The following ERN1 variants were observed in gnomAD, a reference collection of about 807,000 sequenced individuals.
The protein encoded by ERN1 is serine/threonine-protein kinase/endoribonuclease IRE1.
ERN1 carries 39 observed loss-of-function variants against 113.1 expected under a neutral mutation model. The observed-to-expected ratio is 0.34, with a 90% CI of 0.27 to 0.45. The LOEUF is 0.45. Ranked by LOEUF, ERN1 falls within the 20% of genes least tolerant of loss-of-function variation. The probability of loss-of-function intolerance (pLI) is 1.00; values close to 1 mark genes in which losing one functional copy is unlikely to be tolerated. For missense variants in ERN1, 976 were observed against 1,274.8 expected (o/e 0.77, Z 3.57); for synonymous variants, 507 against 515.9 (o/e 0.98, Z 0.23).
chr17:64,109,180 T>C (rs760959799), intron 1 of ERN1, among the ~76,000 whole-genome samples: 13 of 151,650 alleles, frequency 8.6e-5, no homozygotes, highest in African/African-American at 3.1e-4. Flanking sequence ...GGGAAAAAAA[T>C]TTAATTACAT....
intron 2 of ERN1, among the ~76,000 whole-genome samples, chr17:64,092,995 C>T (rs1490668478): frequency 1.3e-5 from 2 of 152,090 alleles, no homozygotes; most frequent in Non-Finnish European, 2.9e-5. Context: ...ATGTCACAAC[C>T]CAAATGAGTT....
intron 2 of ERN1, among the ~76,000 whole-genome samples, chr17:64,087,189 A>G (rs909241226): frequency 1.3e-5 from 2 of 152,068 alleles, no homozygotes; most frequent in Non-Finnish European, 2.9e-5. Context: ...GGGAAACTAC[A>G]CTGCTCCGAA....
In ERN1 at chr17:64,075,408, C is replaced by T. The variant is rs984825811; in HGVS notation, c.283-161G>A. On this transcript the variant is annotated intron_variant, in intron 4 of 21. Transcript: ENST00000433197. ...ACTGAATACAAAGGAGAAGGGGGCA[C>T]CCTATGCTTCCACATCTACTGTGTT... Among the ~76,000 whole-genome samples the T allele has an allele frequency of 3.3e-5, 5 of 152,100 alleles. No individual in the cohort carries two copies. The East Asian group carries it at 7.7e-4, about 23-fold the overall frequency.
At chr17:64,069,935 T>TCTAAA (rs1350593220) in intron 6 of ERN1, among the ~76,000 whole-genome samples, 3 of 152,026 alleles carry the variant, frequency 2.0e-5, no homozygotes, top group African/African-American at 7.2e-5. Flanking sequence ...CAGTAGAACA[T>TCTAAA]CTCTAAAGGT....
chr17:64,045,252 G>A (rs917068942), intron 20 of ERN1, 107 bp downstream of exon 20: 17 of 1,295,336 alleles, frequency 1.3e-5, no homozygotes, highest in Non-Finnish European at 1.7e-5. Flanking sequence ...CCTGACAGGT[G>A]GGATGTGGGG....
At chr17:64,095,654 T>C (rs924049144) in intron 2 of ERN1, among the ~76,000 whole-genome samples, 3 of 152,094 alleles carry the variant, frequency 2.0e-5, no homozygotes, top group African/African-American at 4.8e-5. Flanking sequence ...CGAGCACCTG[T>C]TGAGTCACTC....
At chr17:64,089,825 G>A (rs977990234) in intron 2 of ERN1, among the ~76,000 whole-genome samples, 20 of 152,056 alleles carry the variant, frequency 1.3e-4, no homozygotes, top group African/African-American at 4.8e-4. Context: ...CTGGCTGACA[G>A]GTAACAGTGA....
At chr17:64,073,333 A>T (rs1913484477) in intron 5 of ERN1, among the ~76,000 whole-genome samples, 2 of 52,274 alleles carry the variant, frequency 3.8e-5, no homozygotes, top group African/African-American at 7.3e-5. Context: ...CACACCCAGC[A>T]AATTTTTTTT....
In ERN1 at chr17:64,043,859, C is replaced by T; in HGVS notation, c.*129G>A. 1.5e-6 allele frequency: 1 copy of T among 657,816 alleles called. No individual in the cohort carries two copies. The highest frequency in any genetic ancestry group is 2.6e-6 in the Non-Finnish European group (1 of 378,658). 40.7% of individuals were successfully genotyped at this position (657,816 alleles called of 1,614,324 possible). On this transcript the variant is annotated 3_prime_UTR_variant, in exon 22 of 22. Coordinates refer to ENST00000433197, the MANE Select transcript of ERN1 (RefSeq NM_001433.5). ...GCACTGTCCTCTGTGGGCTGCAGAG[C>T]AGGCAGCTCAAGGCACTTGGTTTGG...
chr17:64,063,937 GGA>G lies in ERN1; in HGVS notation c.1087+47_1087+48del. On this transcript the variant is annotated intron_variant, in intron 10 of 21. Transcript: ENST00000433197. The surrounding 1 kb of genome is among the most constrained non-coding windows in gnomAD (Gnocchi z 5.1). ...TACCAGGGCCGGCGGTCGCCCACCAGGAGGCAGCACGCTGTCACCTCAGGCTA... is the reference window on the plus strand; with the variant it reads ...TACCAGGGCCGGCGGTCGCCCACCAGGGCAGCACGCTGTCACCTCAGGCTA... The G allele has an allele frequency of 6.3e-7, 1 of 1,587,208 alleles. No homozygotes were observed. The highest frequency in any genetic ancestry group is 8.6e-7 in the Non-Finnish European group (1 of 1,161,200).
chr17:64,072,125 T>C (rs1375271434), intron 5 of ERN1, 22 bp from the exon 6 acceptor site: 2 of 1,612,120 alleles, frequency 1.2e-6, no homozygotes, highest in African/African-American at 2.7e-5. Context: ...CAAAAACACA[T>C]CGTCGTTTAC....
In ERN1 at chr17:64,119,376, G is replaced by GTTGTTT. The variant is rs777806993; in HGVS notation, c.54+10599_54+10600insAAACAA. Reference sequence around the variant, plus strand: ...TAATATTAGGTTCCTTTTTTTCTAGGTTTTTTTTTTTTTTTTTTTTTTTTT... The same window carrying GTTGTTT: ...TAATATTAGGTTCCTTTTTTTCTAGGTTGTTTTTTTTTTTTTTTTTTTTTTTTTTTT... On this transcript the variant is annotated intron_variant, in intron 1 of 21. Transcript: ENST00000433197. Among the ~76,000 whole-genome samples, 28 of 77,906 alleles carry GTTGTTT rather than the reference G, an allele frequency of 3.6e-4. 2 individuals are homozygous for GTTGTTT. Among genetic ancestry groups the GTTGTTT allele is most frequent in the African/African-American group, 7.8e-4 (14 of 17,952 alleles). The allele number at this position is 77,906 out of a possible 152,430, so 51.1% of individuals were successfully genotyped here.
At chr17:64,096,318 G>A (rs117814891) in intron 2 of ERN1, among the ~76,000 whole-genome samples, 54 of 152,278 alleles carry the variant, frequency 3.5e-4, no homozygotes, top group Non-Finnish European at 5.4e-4. Flanking sequence ...TGTGTACTAC[G>A]CATGCAAGTG....
chr17:64,053,941 T>C (rs1912770188), intron 15 of ERN1: 3 of 279,834 alleles, frequency 1.1e-5, no homozygotes, highest in South Asian at 1.0e-4. Context: ...TACAATTCAC[T>C]GTAACTTTTT....
intron 1 of ERN1, among the ~76,000 whole-genome samples, chr17:64,124,858 A>G (rs757022099): frequency 2.6e-5 from 4 of 152,250 alleles, no homozygotes; most frequent in Non-Finnish European, 4.4e-5. Flanking sequence ...ATGCTAAGTT[A>G]AAGAGGCCAG....
chr17:64,094,686 G>A (rs567263712), intron 2 of ERN1, among the ~76,000 whole-genome samples: 1 of 148,226 alleles, frequency 6.7e-6, no homozygotes, highest in African/African-American at 2.5e-5. Context: ...CTGTCTACAA[G>A]ACTCCCTTGC....
intron 1 of ERN1, among the ~76,000 whole-genome samples, chr17:64,122,489 T>C (rs997092801): frequency 1.3e-5 from 2 of 152,168 alleles, no homozygotes; most frequent in African/African-American, 4.8e-5. Flanking sequence ...AGGCTACACA[T>C]CTATTCATAC....
chr17:64,082,850 AT>A (rs10694066), intron 2 of ERN1, among the ~76,000 whole-genome samples: 2 of 150,576 alleles, frequency 1.3e-5, no homozygotes, highest in Non-Finnish European at 3.0e-5. Context: ...AAGAACTGTG[AT>A]TTTTTTTTTC....
intron 1 of ERN1, among the ~76,000 whole-genome samples, chr17:64,109,397 CCAAACTTTAGGCTA>C (rs908988998): frequency 5.3e-5 from 8 of 152,130 alleles, no homozygotes; most frequent in African/African-American, 1.4e-4. Flanking sequence ...CCAGATGTTG[CCAAACTTTAGGCTA>C]GAAAAGAAGT....
Sources: allele counts gnomAD v4.1 joint callset (sites outside exome capture counted in the v4.1 genomes callset), GRCh38; gene constraint gnomAD v4.1.1; non-coding constraint Gnocchi (gnomAD v3.1); transcripts MANE v1.5; gene names NCBI Gene and HGNC (gene_info 2026-07-23, HGNC 2026-07-21).